Variants in GALNT17 observed in about 807,000 individuals in gnomAD.
GALNT17 encodes polypeptide N-acetylgalactosaminyltransferase 17, also known as UDP-GalNAc:polypeptide N-acetylgalactosaminyltransferase-like 3.
In GALNT17, 29 loss-of-function variants were observed where a neutral mutation model predicts 63.7. The ratio of observed to expected loss-of-function variants is 0.46; its 90% CI spans 0.34 to 0.62. The LOEUF is 0.62. Among genes scored for constraint, GALNT17 ranks in the 20% least tolerant of loss-of-function variants. GALNT17 has a pLI of 0.01. For missense variants in GALNT17, 603 were observed against 799.6 expected (o/e 0.75, Z 2.97); for synonymous variants, 305 against 318.3 (o/e 0.96, Z 0.45).
intron 5 of GALNT17, among the ~76,000 whole-genome samples, chr7:71,464,520 T>C (rs1787504245): frequency 1.3e-5 from 2 of 152,150 alleles, no homozygotes; most frequent in African/African-American, 2.4e-5. Context: ...GGGACTCCCC[T>C]GAAACAGAAA....
rs183736577 is a variant in GALNT17, at chr7:71,285,789, C to T, written c.239-49761C>T. The stretch of plus-strand genomic sequence containing the variant: ...GCCTTGGTCTTCAACTCCCCAGCCT[C>T]CAGAATTGCAAGAAATAAATGTTTG... On this transcript the variant is annotated intron_variant, in intron 1 of 10. Transcript: ENST00000333538. Among the ~76,000 whole-genome samples, 35 of 152,302 alleles carry T rather than the reference C, an allele frequency of 2.3e-4. No homozygotes were observed. In the East Asian group the frequency reaches 6.2e-3, roughly 27 times the overall value.
chr7:71,216,513 C>T (rs1386814938), intron 1 of GALNT17, among the ~76,000 whole-genome samples: 2 of 151,910 alleles, frequency 1.3e-5, no homozygotes, highest in Admixed American at 1.3e-4. Flanking sequence ...GGGTAATGTG[C>T]GCTTCTTACA....
At chr7:71,673,353 C>A (rs1441290464) in intron 8 of GALNT17, among the ~76,000 whole-genome samples, 1 of 151,738 alleles carries the variant, frequency 6.6e-6, no homozygotes, top group Non-Finnish European at 1.5e-5. Flanking sequence ...ATAAATGGTG[C>A]GTACAAAAGT....
At chr7:71,261,916 A>G (rs1790391871) in intron 1 of GALNT17, among the ~76,000 whole-genome samples, 1 of 152,176 alleles carries the variant, frequency 6.6e-6, no homozygotes, top group African/African-American at 2.4e-5. Context: ...GTGGAGTAAA[A>G]TAAGACAGCT....
At chr7:71,342,413 C>A (rs1218357262) in intron 2 of GALNT17, among the ~76,000 whole-genome samples, 1 of 152,160 alleles carries the variant, frequency 6.6e-6, no homozygotes, top group Non-Finnish European at 1.5e-5. Flanking sequence ...AGACACCTCC[C>A]ACTAGGCCCC....
intron 1 of GALNT17, among the ~76,000 whole-genome samples, chr7:71,238,252 A>G (rs1290004062): frequency 6.6e-6 from 1 of 152,182 alleles, no homozygotes; most frequent in East Asian, 1.9e-4. Context: ...GCAGTATTTC[A>G]GGCATGGAGG....
chr7:71,699,018 A>G lies in GALNT17; in HGVS notation c.1501-11743A>G, dbSNP rs1456100923. Among the ~76,000 whole-genome samples the G allele has an allele frequency of 3.3e-5, 5 of 151,782 alleles. No individual in the cohort carries two copies. In the East Asian group the frequency reaches 7.8e-4, roughly 24 times the overall value. On this transcript the variant is annotated intron_variant, in intron 9 of 10. Transcript: ENST00000333538. ...GAAACCCTGTCTCTACTAAAATACAAAAAATTAGCTGGGCATGGCAGCGTG... is the reference window on the plus strand; with the variant it reads ...GAAACCCTGTCTCTACTAAAATACAGAAAATTAGCTGGGCATGGCAGCGTG...
intron 1 of GALNT17, among the ~76,000 whole-genome samples, chr7:71,316,032 T>C (rs1791492176): frequency 6.6e-6 from 1 of 152,106 alleles, no homozygotes; most frequent in African/African-American, 2.4e-5. Flanking sequence ...AACCAACTTA[T>C]GTAAGGTAAT....
intron 5 of GALNT17, among the ~76,000 whole-genome samples, chr7:71,549,978 A>G (rs187381137): frequency 8.6e-4 from 130 of 151,560 alleles, no homozygotes; most frequent in Non-Finnish European, 1.4e-3. Context: ...CTTTCAATGC[A>G]CAGAGCTCAA....
chr7:71,712,199 C>G lies in GALNT17; in HGVS notation c.*53C>G, dbSNP rs935201299. 6.3e-6 allele frequency: 10 copies of G among 1,583,906 alleles called. No individual in the cohort carries two copies. The African/African-American group carries it at 6.8e-5, about 11-fold the overall frequency. On this transcript the variant is annotated 3_prime_UTR_variant, in exon 11 of 11. Coordinates refer to ENST00000333538, the MANE Select transcript of GALNT17 (RefSeq NM_022479.3). Reference sequence around the variant, plus strand: ...GGCCCCCAGGACATGGCTGCTCCCCCCAACATCTGGACCAGCTGCCCTGGC... The same window carrying G: ...GGCCCCCAGGACATGGCTGCTCCCCGCAACATCTGGACCAGCTGCCCTGGC...
intron 1 of GALNT17, among the ~76,000 whole-genome samples, chr7:71,306,478 C>T (rs886544865): frequency 2.0e-5 from 3 of 152,028 alleles, no homozygotes; most frequent in African/African-American, 7.2e-5. Context: ...TAAGTGAAAT[C>T]ATACAGTAAT....
chr7:71,703,675 TATAAG>T lies in GALNT17; in HGVS notation c.1501-7084_1501-7080del, dbSNP rs537686714. On this transcript the variant is annotated intron_variant, in intron 9 of 10. Transcript: ENST00000333538. ...AAGTTAGGTTTCAAGGCATTAAAGGTATAAGAGAGAGGAAATTCAAATTAAGAGAT... is the reference window on the plus strand; with the variant it reads ...AAGTTAGGTTTCAAGGCATTAAAGGTAGAGAGGAAATTCAAATTAAGAGAT... 1.9e-3 allele frequency among the ~76,000 whole-genome samples: 287 copies of T among 152,204 alleles called. 2 individuals are homozygous for T. The highest frequency in any genetic ancestry group is 6.2e-3 in the African/African-American group (258 of 41,524).
intron 1 of GALNT17, among the ~76,000 whole-genome samples, chr7:71,270,149 A>G (rs1302373270): frequency 1.3e-5 from 2 of 152,156 alleles, no homozygotes; most frequent in Non-Finnish European, 2.9e-5. Flanking sequence ...CAGAGAAGCA[A>G]CTAAAGCACA....
intron 5 of GALNT17, among the ~76,000 whole-genome samples, chr7:71,518,795 G>T (rs370223234): frequency 4.6e-5 from 7 of 152,260 alleles, no homozygotes; most frequent in Admixed American, 1.3e-4. Flanking sequence ...AGATTCTCTG[G>T]GTTCCAGTAA....
At chr7:71,177,292 T>A (rs1788657312) in intron 1 of GALNT17, among the ~76,000 whole-genome samples, 1 of 152,058 alleles carries the variant, frequency 6.6e-6, no homozygotes, top group Non-Finnish European at 1.5e-5. Flanking sequence ...TTGATCAATA[T>A]CTCTGTCTCC....
chr7:71,410,379 G>A (rs988818251), intron 3 of GALNT17, among the ~76,000 whole-genome samples: 3 of 152,038 alleles, frequency 2.0e-5, no homozygotes, highest in Non-Finnish European at 4.4e-5. Context: ...CTGAATAGCT[G>A]AGATTACAGG....
At chr7:71,185,526 T>C (rs1479391993) in intron 1 of GALNT17, among the ~76,000 whole-genome samples, 6 of 146,462 alleles carry the variant, frequency 4.1e-5, no homozygotes, top group African/African-American at 1.3e-4. Context: ...TCTTTTCTTT[T>C]TTTTTTTTTT....
chr7:71,491,517 G>A (rs369454952), intron 5 of GALNT17, among the ~76,000 whole-genome samples: 52 of 152,234 alleles, frequency 3.4e-4, no homozygotes, highest in African/African-American at 1.2e-3. Flanking sequence ...TGCAGACCCC[G>A]GTAAATTAAT....
At chr7:71,404,557 C>T (rs766355399) in intron 3 of GALNT17, among the ~76,000 whole-genome samples, 26 of 152,322 alleles carry the variant, frequency 1.7e-4, no homozygotes, top group Non-Finnish European at 2.8e-4. Context: ...ATATGCAATG[C>T]AGCCACCTCC....
Sources: gnomAD v4.1 joint callset for allele counts (sites outside exome capture counted in the v4.1 genomes callset) on GRCh38, gnomAD v4.1.1 for gene constraint, MANE v1.5 for transcripts, NCBI Gene and HGNC (gene_info 2026-07-23, HGNC 2026-07-21) for gene names.